The following RBFOX1 variants were observed in gnomAD, a reference collection of about 807,000 sequenced individuals.
RBFOX1 encodes RNA binding protein fox-1 homolog 1.
A neutral mutation model predicts 57.7 loss-of-function variants in RBFOX1; 8 were observed. That is an observed-to-expected ratio of 0.14 (90% CI 0.08 to 0.25). The LOEUF is 0.25. Among genes scored for constraint, RBFOX1 ranks in the 10% least tolerant of loss-of-function variants. RBFOX1 has a pLI of 1.00. For synonymous variants in RBFOX1, 326 were observed against 222.4 expected, an observed-to-expected ratio of 1.47 and a Z score of -4.15; for missense variants, 611 against 548.5, an observed-to-expected ratio of 1.11 and a Z score of -1.14.
At chr16:5,391,768 A>C (rs1211291918) in intron 1 of RBFOX1, among the ~76,000 whole-genome samples, 1 of 151,886 alleles carries the variant, frequency 6.6e-6, no homozygotes, top group Non-Finnish European at 1.5e-5. Context: ...TTCTTAAAAG[A>C]AGGACACATG....
At chr16:6,780,551 T>TTTATATACAC (rs1309278629) in intron 3 of RBFOX1, among the ~76,000 whole-genome samples, 1 of 127,468 alleles carries the variant, frequency 7.8e-6, no homozygotes, top group East Asian at 2.5e-4. Flanking sequence ...TTTACATATA[T>TTTATATACAC]ATTTACATAT....
At chr16:6,755,865 T>C (rs1200373017) in intron 3 of RBFOX1, among the ~76,000 whole-genome samples, 1 of 152,150 alleles carries the variant, frequency 6.6e-6, no homozygotes, top group African/African-American at 2.4e-5. Context: ...AAGGTGAAAT[T>C]GACTTTTTGA....
chr16:5,440,954 C>G (rs1013133261), intron 1 of RBFOX1, among the ~76,000 whole-genome samples: 2 of 152,140 alleles, frequency 1.3e-5, no homozygotes, highest in African/African-American at 4.8e-5. Flanking sequence ...CTTTGTCATA[C>G]TTCTCCCAAG....
chr16:6,247,339 C>G (rs1385164952), intron 1 of RBFOX1, among the ~76,000 whole-genome samples: 3 of 152,202 alleles, frequency 2.0e-5, no homozygotes, highest in South Asian at 4.1e-4. Flanking sequence ...GGTCTCTTCT[C>G]TTGTTCAGAC....
At chr16:6,299,008 C>G (rs886453441) in intron 1 of RBFOX1, among the ~76,000 whole-genome samples, 1 of 152,170 alleles carries the variant, frequency 6.6e-6, no homozygotes, top group Non-Finnish European at 1.5e-5. Context: ...CCCCTTTCCT[C>G]GTGCTATTTC....
intron 4 of RBFOX1, chr16:7,304,584 T>G (rs1427215552): frequency 2.0e-6 from 2 of 985,212 alleles, no homozygotes; most frequent in East Asian, 2.3e-4. Context: ...ATGTAGGTTC[T>G]GAGGAGGGGG....
intron 1 of RBFOX1, among the ~76,000 whole-genome samples, chr16:6,103,502 G>C (rs1388744736): frequency 1.3e-5 from 2 of 151,886 alleles, no homozygotes; most frequent in Non-Finnish European, 2.9e-5. Context: ...CAACTTTTCA[G>C]GTACTTAACA....
chr16:6,433,774 A>G (rs773287299), intron 2 of RBFOX1, among the ~76,000 whole-genome samples: 1 of 151,216 alleles, frequency 6.6e-6, no homozygotes, highest in Non-Finnish European at 1.5e-5. Context: ...CCACCCTTCA[A>G]AGCACATCAC....
chr16:6,831,771 C>T (rs1340093060), intron 3 of RBFOX1, among the ~76,000 whole-genome samples: 3 of 152,122 alleles, frequency 2.0e-5, no homozygotes, highest in Non-Finnish European at 4.4e-5. Context: ...TCCATTTCCA[C>T]ATCTTTGGGA....
At chr16:6,516,096 T>A (rs959721337) in intron 2 of RBFOX1, among the ~76,000 whole-genome samples, 3 of 152,192 alleles carry the variant, frequency 2.0e-5, no homozygotes, top group African/African-American at 7.2e-5. Flanking sequence ...TGATAGAATC[T>A]TGGCTCACTG....
chr16:5,341,088 A>G (rs2065021739), intron 1 of RBFOX1, among the ~76,000 whole-genome samples: 1 of 152,166 alleles, frequency 6.6e-6, no homozygotes, highest in Non-Finnish European at 1.5e-5. Context: ...GCCTTGAGGC[A>G]GGAACAAGCT....
chr16:6,509,680 AAG>A (rs1567497483), intron 2 of RBFOX1, among the ~76,000 whole-genome samples: 1 of 152,188 alleles, frequency 6.6e-6, no homozygotes, highest in Non-Finnish European at 1.5e-5. Flanking sequence ...AAATAAGTAA[AAG>A]AGTATAATCG....
At position 6,488,249 on chromosome 16, in the gene RBFOX1, C is replaced by G. The variant is rs138941022; in HGVS notation, c.-63-166354C>G. Among the ~76,000 whole-genome samples the G allele has an allele frequency of 6.0e-3, 906 of 152,258 alleles. 7 individuals carry two copies. Among genetic ancestry groups the G allele is most frequent in the Middle Eastern group, 0.027 (8 of 294 alleles). ...TTTCTTTGTTGTTTAGTTGTAGTCTCTAGTTGTGAGGAAATCAGTTGTTGT... is the reference window on the plus strand; with the variant it reads ...TTTCTTTGTTGTTTAGTTGTAGTCTGTAGTTGTGAGGAAATCAGTTGTTGT... On this transcript the variant is annotated intron_variant, in intron 2 of 15. Transcript: ENST00000550418.
intron 1 of RBFOX1, among the ~76,000 whole-genome samples, chr16:6,157,501 C>A (rs1425503915): frequency 6.6e-6 from 1 of 152,122 alleles, no homozygotes; most frequent in Non-Finnish European, 1.5e-5. Context: ...TATTTGCTAA[C>A]TGTGGTAATC....
chr16:6,468,216 C>T (rs1485100527), intron 2 of RBFOX1, among the ~76,000 whole-genome samples: 2 of 152,074 alleles, frequency 1.3e-5, no homozygotes, highest in African/African-American at 2.4e-5. Context: ...AGCTATTTGG[C>T]CTATGTCTCT....
intron 2 of RBFOX1, among the ~76,000 whole-genome samples, chr16:6,641,969 C>G (rs940742952): frequency 6.6e-6 from 1 of 152,126 alleles, no homozygotes; most frequent in Non-Finnish European, 1.5e-5. Flanking sequence ...TAATTATTCA[C>G]AGGAACCCGT....
At chr16:6,991,472 G>C (rs188032559) in intron 3 of RBFOX1, among the ~76,000 whole-genome samples, 1 of 152,268 alleles carries the variant, frequency 6.6e-6, no homozygotes, top group East Asian at 1.9e-4. Context: ...ACGTAGATAA[G>C]TCCTTTTGAA....
At chr16:6,295,283 C>A (rs9933272) in intron 1 of RBFOX1, among the ~76,000 whole-genome samples, 2 of 152,026 alleles carry the variant, frequency 1.3e-5, no homozygotes, top group Admixed American at 1.3e-4. Flanking sequence ...ACCACCACAC[C>A]CAGCAAATTG....
chr16:7,319,276 G>C (rs532829891), intron 4 of RBFOX1, among the ~76,000 whole-genome samples: 3 of 152,248 alleles, frequency 2.0e-5, no homozygotes, highest in South Asian at 2.1e-4. Context: ...TATTGTTGGG[G>C]GAGATGTAAA....
Sources: gnomAD v4.1 joint callset for allele counts (sites outside exome capture counted in the v4.1 genomes callset) on GRCh38, gnomAD v4.1.1 for gene constraint, MANE v1.5 for transcripts, NCBI Gene and HGNC (gene_info 2026-07-23, HGNC 2026-07-21) for gene names.